EIF4G3: variants seen among roughly 807,000 people sequenced by gnomAD.
EIF4G3 encodes eIF-4-gamma 3.
EIF4G3 carries 34 observed loss-of-function variants against 186.4 expected under a neutral mutation model. The ratio of observed to expected loss-of-function variants is 0.18; its 90% CI spans 0.14 to 0.24. EIF4G3 has a LOEUF of 0.24. Ranked by LOEUF, EIF4G3 falls within the 10% of genes least tolerant of loss-of-function variation. The probability of loss-of-function intolerance (pLI) is 1.00; values close to 1 mark genes in which losing one functional copy is unlikely to be tolerated. For missense variants in EIF4G3, 1,536 were observed against 1,948.5 expected (o/e 0.79, Z 3.99); for synonymous variants, 673 against 679.5 (o/e 0.99, Z 0.15).
At chr1:20,846,216 G>A (rs2070952544) in intron 29 of EIF4G3, among the ~76,000 whole-genome samples, 1 of 152,062 alleles carries the variant, frequency 6.6e-6, no homozygotes, top group African/African-American at 2.4e-5. Context: ...CTAGATACAG[G>A]TTCATGTCAT....
At chr1:21,143,075 C>G (rs1166488510) in intron 2 of EIF4G3, among the ~76,000 whole-genome samples, 2 of 152,044 alleles carry the variant, frequency 1.3e-5, no homozygotes, top group South Asian at 4.2e-4. Context: ...ATGATGAAAC[C>G]CTGTCTCTAC....
At chr1:21,099,180 T>C (rs2096460213) in intron 2 of EIF4G3, among the ~76,000 whole-genome samples, 1 of 152,180 alleles carries the variant, frequency 6.6e-6, no homozygotes, top group African/African-American at 2.4e-5. Flanking sequence ...TGCAAAATGG[T>C]ATAGTCACTT....
At position 20,858,736 on chromosome 1, in the gene EIF4G3, C is replaced by T. The variant is rs2075660308; in HGVS notation, c.3245-1239G>A. On this transcript the variant is annotated intron_variant, in intron 24 of 36. Coordinates refer to ENST00000602326, the MANE Select transcript of EIF4G3 (RefSeq NM_001391906.1). ...TGAGGGCCGTGTGCGGTGGCTCACG[C>T]CTGTAATCCCAGCACTTTGGGAGGC... 7.9e-5 allele frequency among the ~76,000 whole-genome samples: 12 copies of T among 152,280 alleles called. No individual in the cohort carries two copies. The South Asian group carries it at 2.5e-3, about 32-fold the overall frequency.
intron 35 of EIF4G3, among the ~76,000 whole-genome samples, 161 bp from the exon 36 acceptor site, chr1:20,811,045 G>GTTCAAGCTA (rs1202875519): frequency 6.6e-6 from 1 of 152,126 alleles, no homozygotes; most frequent in Non-Finnish European, 1.5e-5. Context: ...CGTCTCCCAG[G>GTTCAAGCTA]TTCAAGCTAT....
At chr1:21,086,470 T>C (rs1410746419) in intron 3 of EIF4G3, among the ~76,000 whole-genome samples, 2 of 152,168 alleles carry the variant, frequency 1.3e-5, no homozygotes, top group African/African-American at 4.8e-5. Flanking sequence ...GGCCATTCCA[T>C]TAACCACGCC....
At chr1:20,900,913 G>A (rs543042383) in intron 15 of EIF4G3, among the ~76,000 whole-genome samples, 1 of 152,254 alleles carries the variant, frequency 6.6e-6, no homozygotes, top group African/African-American at 2.4e-5. Flanking sequence ...AACAATTTTT[G>A]AGTGACAAAT....
chr1:20,934,801 T>A (rs1285979384), intron 14 of EIF4G3, among the ~76,000 whole-genome samples: 2 of 152,030 alleles, frequency 1.3e-5, no homozygotes, highest in East Asian at 3.9e-4. Context: ...AAATCACAGA[T>A]TTTGTACAGG....
intron 2 of EIF4G3, among the ~76,000 whole-genome samples, chr1:21,170,522 T>C (rs1012567610): frequency 6.6e-6 from 1 of 150,850 alleles, no homozygotes; most frequent in Non-Finnish European, 1.5e-5. Flanking sequence ...CATACAAAAA[T>C]TAGATGGGTG....
chr1:21,129,412 T>C (rs1248777951), intron 2 of EIF4G3, among the ~76,000 whole-genome samples: 1 of 152,078 alleles, frequency 6.6e-6, no homozygotes, highest in Admixed American at 6.6e-5. Context: ...CACAATGCAC[T>C]TGGTAAGTAC....
chr1:21,149,597 C>T (rs1165402496), intron 2 of EIF4G3, among the ~76,000 whole-genome samples: 2 of 152,156 alleles, frequency 1.3e-5, no homozygotes, highest in Non-Finnish European at 2.9e-5. Flanking sequence ...TCACCCCATC[C>T]AAATGGCAGT....
chr1:21,167,673 G>A (rs1389096183), intron 2 of EIF4G3, among the ~76,000 whole-genome samples: 7 of 152,216 alleles, frequency 4.6e-5, no homozygotes, highest in Non-Finnish European at 7.4e-5. Flanking sequence ...CAGGGGAACC[G>A]CTTGAACCCG....
At chr1:20,838,066 AAAGGT>A (rs2067280401) in intron 30 of EIF4G3, among the ~76,000 whole-genome samples, 2 of 152,216 alleles carry the variant, frequency 1.3e-5, no homozygotes, top group African/African-American at 4.8e-5. Flanking sequence ...TGTCTAAATA[AAAGGT>A]AGTAGTGTGG....
At chr1:20,952,240 T>C (rs1446869213) in intron 12 of EIF4G3, among the ~76,000 whole-genome samples, 1 of 151,122 alleles carries the variant, frequency 6.6e-6, no homozygotes, top group Non-Finnish European at 1.5e-5. Flanking sequence ...CTGAAACCTC[T>C]GCCTCCCAGG....
At chr1:20,876,218 G>A (rs2080757602) in intron 20 of EIF4G3, among the ~76,000 whole-genome samples, 1 of 98,546 alleles carries the variant, frequency 1.0e-5, no homozygotes, top group African/African-American at 3.9e-5. Flanking sequence ...GTGAGAGCCT[G>A]TCTCAAAAAA....
At chr1:21,068,375 TAAAAAAAA>T (rs869306512) in intron 3 of EIF4G3, among the ~76,000 whole-genome samples, 32 of 67,832 alleles carry the variant, frequency 4.7e-4, no homozygotes, top group Admixed American at 3.7e-3. Context: ...ACTCTGTCTT[TAAAAAAAA>T]AAAAAAAAAA....
rs773327929 is a variant in EIF4G3 at position 20,886,332 on chromosome 1, TTTG to T, written c.2290_2292del (p.Gln764del). 1 of 1,613,940 alleles carries T rather than the reference TTTG, an allele frequency of 6.2e-7. No homozygotes were observed. The highest frequency in any genetic ancestry group is 1.3e-5 in the African/African-American group (1 of 74,918). On this transcript the variant is annotated inframe_deletion, in exon 19 of 37. Coordinates refer to ENST00000602326, the MANE Select transcript of EIF4G3 (RefSeq NM_001391906.1). ...GTGATGATCTTTCTGGGTTCTCTTCTTTGGCCAGGTTGAGATCTTCGTGACCCA... is the reference window on the plus strand; with the variant it reads ...GTGATGATCTTTCTGGGTTCTCTTCTGCCAGGTTGAGATCTTCGTGACCCA...
intron 29 of EIF4G3, among the ~76,000 whole-genome samples, chr1:20,846,960 C>A (rs565160956): frequency 6.6e-6 from 1 of 152,290 alleles, no homozygotes; most frequent in Admixed American, 6.5e-5. Context: ...AAAACAATAG[C>A]ACCTAATAGG....
At chr1:21,071,812 A>C (rs2095449879) in intron 3 of EIF4G3, among the ~76,000 whole-genome samples, 1 of 152,086 alleles carries the variant, frequency 6.6e-6, no homozygotes, top group African/African-American at 2.4e-5. Context: ...TCTCAAAAAA[A>C]AAAAAAGAGA....
chr1:20,853,669 G>A lies in EIF4G3; in HGVS notation c.3442C>T (p.Arg1148Trp), dbSNP rs148411054. The A allele has an allele frequency of 8.5e-5, 137 of 1,609,250 alleles. No individual in the cohort carries two copies. The highest frequency in any genetic ancestry group is 1.1e-4 in the Non-Finnish European group (129 of 1,176,938). ...CTGTTTAAACTGGAAGCACTTGACC[G>A]TAAGGCATCTACACATGTCGAGGAT... Reference protein sequence around the residue: ...GAKASETDALRSSASSLNRFS... With the variant: ...GAKASETDALWSSASSLNRFS... The change falls in exon 27 of 37, where the codon CGG becomes TGG. Residue 1148 changes from arginine (R) to tryptophan (W), a missense_variant. Arg to Trp is a moderately radical substitution (Grantham distance 101, BLOSUM62 -3). Around this residue, in one of 11 missense-constraint regions of EIF4G3, gnomAD observed 395 missense variants for 498.9 expected, o/e 0.79. Coordinates refer to ENST00000602326, the MANE Select transcript of EIF4G3 (RefSeq NM_001391906.1).
Sources: allele counts gnomAD v4.1 joint callset (sites outside exome capture counted in the v4.1 genomes callset), GRCh38; gene constraint gnomAD v4.1.1; regional missense constraint gnomAD v4.1.1; transcripts MANE v1.5; gene names NCBI Gene and HGNC (gene_info 2026-07-23, HGNC 2026-07-21).